ARIH1: variants seen among roughly 807,000 people sequenced by gnomAD.
ARIH1 encodes the protein ariadne RBR E3 ubiquitin protein ligase 1.
ARIH1 carries 8 observed loss-of-function variants against 85.0 expected under a neutral mutation model. The observed-to-expected ratio is 0.09, with a 90% CI of 0.06 to 0.17. The LOEUF (loss-of-function observed/expected upper bound fraction) is 0.17, where lower values mean the gene tolerates loss of function less well. Ranked by LOEUF, ARIH1 falls within the 10% of genes least tolerant of loss-of-function variation. The probability of loss-of-function intolerance (pLI) is 1.00; values close to 1 mark genes in which losing one functional copy is unlikely to be tolerated. For missense variants in ARIH1, 311 were observed against 718.1 expected (o/e 0.43, Z 6.48); for synonymous variants, 238 against 253.6 (o/e 0.94, Z 0.59).
rs972884612 is a variant in ARIH1 at position 72,554,829 on chromosome 15, C to T, written c.589-442C>T. Among the ~76,000 whole-genome samples the T allele has an allele frequency of 3.3e-5, 5 of 152,272 alleles. No homozygotes were observed. The East Asian group carries it at 9.6e-4, about 29-fold the overall frequency. On this transcript the variant is annotated intron_variant, in intron 3 of 13. Coordinates refer to ENST00000379887, the MANE Select transcript of ARIH1 (RefSeq NM_005744.5). ...AGTGCAGTGGTGTGATCTCAGCTCA[C>T]TACAACCTCCGCCTCCCAGGCTCAG...
chr15:72,475,241 T>G, intron 1 of ARIH1: 1 of 1,007,314 alleles, frequency 9.9e-7, no homozygotes, highest in Middle Eastern at 3.7e-4. Context: ...TCCCAAGTCC[T>G]GCTATGGCGG....
intron 5 of ARIH1, 99 bp downstream of exon 5, chr15:72,556,006 G>T: frequency 1.8e-6 from 2 of 1,086,174 alleles, no homozygotes; most frequent in South Asian, 1.4e-5. Context: ...ACTTTTTAAA[G>T]TCTGAAGAAA....
In ARIH1 at chr15:72,583,640, C is replaced by A; in HGVS notation, c.*348C>A. 1 of 181,678 alleles carries A rather than the reference C, an allele frequency of 5.5e-6. No individual in the cohort carries two copies. Among genetic ancestry groups the A allele is most frequent in the East Asian group, 1.4e-4 (1 of 7,238 alleles). 11.3% of individuals were successfully genotyped at this position (181,678 alleles called of 1,614,324 possible). On this transcript the variant is annotated 3_prime_UTR_variant, in exon 14 of 14. Transcript: ENST00000379887. Reference sequence around the variant, plus strand: ...GTTAAAATTTCAAACAGCTCCTTGACACTGCTTTTCATGTTCAAACCAGCC... The same window carrying A: ...GTTAAAATTTCAAACAGCTCCTTGAAACTGCTTTTCATGTTCAAACCAGCC...
intron 1 of ARIH1, among the ~76,000 whole-genome samples, chr15:72,511,711 A>C (rs1336294592): frequency 6.6e-6 from 1 of 152,166 alleles, no homozygotes; most frequent in Non-Finnish European, 1.5e-5. Context: ...TAGTCATCTG[A>C]TTAGAAACAG....
At chr15:72,542,942 T>TA (rs1466413029) in intron 2 of ARIH1, among the ~76,000 whole-genome samples, 1 of 150,432 alleles carries the variant, frequency 6.6e-6, no homozygotes, top group Non-Finnish European at 1.5e-5. Context: ...TTTTTTTTTT[T>TA]AAATTTGAGA....
At position 72,518,719 on chromosome 15, in the gene ARIH1, C is replaced by T. The variant is rs976623408; in HGVS notation, c.443+585C>T. ...AGGAGAATCACTTTAACCTGGGAGG[C>T]GGAGGTTGCAGTGAGCAGAGATGGC... On this transcript the variant is annotated intron_variant, in intron 2 of 13. Transcript: ENST00000379887. 4.7e-5 allele frequency among the ~76,000 whole-genome samples: 7 copies of T among 148,144 alleles called. No homozygotes were observed. The East Asian group carries it at 6.0e-4, about 13-fold the overall frequency.
intron 2 of ARIH1, among the ~76,000 whole-genome samples, chr15:72,540,118 C>T (rs1396858223): frequency 6.6e-5 from 10 of 151,710 alleles, no homozygotes; most frequent in South Asian, 2.1e-4. Context: ...ATTAGCTGGG[C>T]GTGGTGGCAG....
At chr15:72,484,636 T>C (rs1292657115) in intron 1 of ARIH1, among the ~76,000 whole-genome samples, 1 of 151,532 alleles carries the variant, frequency 6.6e-6, no homozygotes, top group Non-Finnish European at 1.5e-5. Flanking sequence ...CCATCATATA[T>C]ATATATATAT....
chr15:72,483,308 C>T (rs1020096593), intron 1 of ARIH1, among the ~76,000 whole-genome samples: 1 of 152,214 alleles, frequency 6.6e-6, no homozygotes, highest in African/African-American at 2.4e-5. Flanking sequence ...AAGTGGCTGA[C>T]AACACAGTAG....
chr15:72,494,347 C>T (rs751353232), intron 1 of ARIH1, among the ~76,000 whole-genome samples: 2 of 152,046 alleles, frequency 1.3e-5, no homozygotes, highest in African/African-American at 2.4e-5. Context: ...CTGGGAGGAC[C>T]GACTTGCTGG....
intron 1 of ARIH1, among the ~76,000 whole-genome samples, chr15:72,512,126 T>C (rs1293740217): frequency 6.6e-6 from 1 of 152,186 alleles, no homozygotes; most frequent in East Asian, 1.9e-4. Context: ...TCTTGAAATG[T>C]CTTTGTCGGA....
chr15:72,535,285 G>A (rs2064077259), intron 2 of ARIH1, among the ~76,000 whole-genome samples: 1 of 152,088 alleles, frequency 6.6e-6, no homozygotes, highest in Non-Finnish European at 1.5e-5. Flanking sequence ...TTACCAACTT[G>A]TTTCAACATC....
chr15:72,583,349 A>G lies in ARIH1; in HGVS notation c.*57A>G. On this transcript the variant is annotated 3_prime_UTR_variant, in exon 14 of 14. Transcript: ENST00000379887. Reference sequence around the variant, plus strand: ...CTTTACCATCTAGAGTGCTCATGCAATTAAAACAAAACAAACACAAACAAG... The same window carrying G: ...CTTTACCATCTAGAGTGCTCATGCAGTTAAAACAAAACAAACACAAACAAG... 7.1e-7 allele frequency: 1 copy of G among 1,413,852 alleles called. No homozygotes were observed. Among genetic ancestry groups the G allele is most frequent in the Non-Finnish European group, 9.9e-7 (1 of 1,007,952 alleles). 87.6% of individuals were successfully genotyped at this position (1,413,852 alleles called of 1,614,324 possible). A position where few individuals can be genotyped will look rare whatever the true frequency, so the allele number is the denominator to read the frequency against.
At position 72,597,494 on chromosome 15, in the gene ARIH1, C is replaced by T. The variant is rs188687027; in HGVS notation, c.*14202C>T. The T allele has an allele frequency of 2.6e-5, 4 of 152,092 alleles. No individual in the cohort carries two copies. In the East Asian group the frequency reaches 7.7e-4, roughly 29 times the overall value. 9.4% of individuals were successfully genotyped at this position (152,092 alleles called of 1,614,324 possible). ...TTTCTCAGCTCTCATGTGTGCCCTG[C>T]CCTTTTGTAGAGGAATGCCCACAAT... On this transcript the variant is annotated 3_prime_UTR_variant, in exon 14 of 14. Coordinates refer to ENST00000379887, the MANE Select transcript of ARIH1 (RefSeq NM_005744.5).
At chr15:72,557,087 G>A (rs909327392) in intron 5 of ARIH1, among the ~76,000 whole-genome samples, 29 of 151,728 alleles carry the variant, frequency 1.9e-4, no homozygotes, top group Admixed American at 6.6e-4. Flanking sequence ...ACCAACATCT[G>A]TTATTTTTTT....
rs143620557 is a variant in ARIH1, at chr15:72,493,269, TG to T, written c.375+18263del. Among the ~76,000 whole-genome samples the T allele has an allele frequency of 8.4e-3, 1,277 of 151,824 alleles. 14 individuals are homozygous for T. Among genetic ancestry groups the T allele is most frequent in the Middle Eastern group, 0.014 (4 of 294 alleles). On this transcript the variant is annotated intron_variant, in intron 1 of 13. Coordinates refer to ENST00000379887, the MANE Select transcript of ARIH1 (RefSeq NM_005744.5). Reference sequence around the variant, plus strand: ...TAACCTAATCCAGACTAACACTTTTTGGGGGGGGAGGTCAGAACCCAGAATA... The same window carrying T: ...TAACCTAATCCAGACTAACACTTTTTGGGGGGGAGGTCAGAACCCAGAATA...
intron 3 of ARIH1, among the ~76,000 whole-genome samples, chr15:72,554,839 C>T (rs576241818): frequency 6.6e-5 from 10 of 152,146 alleles, no homozygotes; most frequent in East Asian, 3.9e-4. Context: ...CTACAACCTC[C>T]GCCTCCCAGG....
chr15:72,512,697 T>C (rs2063955884), intron 1 of ARIH1, among the ~76,000 whole-genome samples: 1 of 151,940 alleles, frequency 6.6e-6, no homozygotes, highest in Non-Finnish European at 1.5e-5. Context: ...CCCACAACTT[T>C]GATATGTTGT....
intron 9 of ARIH1, among the ~76,000 whole-genome samples, chr15:72,569,710 T>C (rs1307228242): frequency 6.6e-6 from 1 of 152,224 alleles, no homozygotes; most frequent in East Asian, 1.9e-4. Flanking sequence ...GAGTATAGTA[T>C]ATTTATATGA....
Sources: gnomAD v4.1 joint callset for allele counts (sites outside exome capture counted in the v4.1 genomes callset) on GRCh38, gnomAD v4.1.1 for gene constraint, MANE v1.5 for transcripts, NCBI Gene and HGNC (gene_info 2026-07-23, HGNC 2026-07-21) for gene names.